Variants in PGS1 observed in about 807,000 individuals in gnomAD.
The protein encoded by PGS1 is phosphatidylglycerophosphate synthase 1.
Under a neutral mutation model 58.3 loss-of-function variants are expected in PGS1, and 44 were observed. That is an observed-to-expected ratio of 0.75 (90% CI 0.59 to 0.97). The LOEUF (loss-of-function observed/expected upper bound fraction) is 0.97, where lower values mean the gene tolerates loss of function less well. Among genes scored for constraint, PGS1 ranks in the 50% least tolerant of loss-of-function variants. The pLI, the probability that PGS1 is intolerant of heterozygous loss-of-function variation, is 0.00. For synonymous variants in PGS1, 330 were observed against 311.0 expected, an observed-to-expected ratio of 1.06 and a Z score of -0.64; for missense variants, 684 against 731.1, an observed-to-expected ratio of 0.94 and a Z score of 0.74.
At chr17:78,405,653 C>A (rs549883808) in intron 7 of PGS1, among the ~76,000 whole-genome samples, 13 of 152,318 alleles carry the variant, frequency 8.5e-5, no homozygotes, top group Admixed American at 7.2e-4. Context: ...TGGGAGGGTG[C>A]CCGCCTCTAG....
chr17:78,394,542 TTTTTCTTTTC>T (rs893814513), intron 2 of PGS1, among the ~76,000 whole-genome samples: 6 of 151,942 alleles, frequency 3.9e-5, no homozygotes, highest in African/African-American at 9.7e-5. Context: ...AAGAAACAGG[TTTTTCTTTTC>T]TTTTCTTTTC....
chr17:78,411,902 CTTTTTTTTTT>C (rs35472026), intron 7 of PGS1, among the ~76,000 whole-genome samples: 767 of 58,020 alleles, frequency 0.013, 14 homozygotes, highest in Middle Eastern at 0.033. Flanking sequence ...AGGGCTCCTG[CTTTTTTTTTT>C]TTTTTTTTTT....
intron 7 of PGS1, among the ~76,000 whole-genome samples, chr17:78,408,891 G>A (rs557558053): frequency 5.2e-4 from 79 of 152,312 alleles, no homozygotes; most frequent in Non-Finnish European, 8.1e-4. Context: ...GAAGTGCCTC[G>A]TGCTGCCGCA....
At chr17:78,423,442 T>G (rs539967851) in intron 9 of PGS1, among the ~76,000 whole-genome samples, 231 of 152,306 alleles carry the variant, frequency 1.5e-3, no homozygotes, top group African/African-American at 5.4e-3. Context: ...CGGCAGCTCC[T>G]GGTATGGGGT....
In PGS1 at chr17:78,400,599, C is replaced by T; in HGVS notation, c.702-78C>T. On this transcript the variant is annotated intron_variant, in intron 5 of 9. Transcript: ENST00000262764. This position sits in a 1 kb window ranked among gnomAD's most constrained non-coding sequence, Gnocchi z 4.4. ...GTTTGTCACCCCCCTGCTAGTTCAC[C>T]TGAGACCTGGGTCACCAGGACACGC... The T allele has an allele frequency of 7.7e-7, 1 of 1,291,882 alleles. No homozygotes were observed. The highest frequency in any genetic ancestry group is 1.1e-6 in the Non-Finnish European group (1 of 899,432). The allele number at this position is 1,291,882 out of a possible 1,614,324, so 80.0% of individuals were successfully genotyped here.
intron 7 of PGS1, among the ~76,000 whole-genome samples, chr17:78,406,578 G>A (rs1388319675): frequency 6.6e-6 from 1 of 152,258 alleles, no homozygotes; most frequent in Non-Finnish European, 1.5e-5. Context: ...TGTCCTGCAG[G>A]ACCCATCCTG....
At chr17:78,412,664 G>C (rs1046180929) in intron 7 of PGS1, among the ~76,000 whole-genome samples, 1 of 152,208 alleles carries the variant, frequency 6.6e-6, no homozygotes, top group Admixed American at 6.5e-5. Flanking sequence ...GGAGCTGTGG[G>C]GTGGACACCG....
chr17:78,401,046 C>T (rs1363287792), intron 6 of PGS1, among the ~76,000 whole-genome samples, 191 bp downstream of exon 6: 1 of 152,116 alleles, frequency 6.6e-6, no homozygotes, highest in Non-Finnish European at 1.5e-5. Flanking sequence ...GTGAGAGAGC[C>T]AGCCCAGAAA....
intron 1 of PGS1, among the ~76,000 whole-genome samples, chr17:78,380,499 C>T (rs1026326481): frequency 6.6e-6 from 1 of 152,224 alleles, no homozygotes; most frequent in African/African-American, 2.4e-5. Flanking sequence ...CGTTGGTGAA[C>T]CCAGCAGGAC....
At position 78,399,414 on chromosome 17, in the gene PGS1, C is replaced by T; in HGVS notation, c.578C>T (p.Ser193Phe). The stretch of plus-strand genomic sequence containing the variant: ...AGGTTCCCAGAGCAGGTCCGAGTCT[C>T]CCTCTTTCACACGCCGCACCTCCGT... ...LRRFPEQVRV[S>F]LFHTPHLRGL... is the part of the protein sequence containing the mutation. Residue 193 changes from serine to phenylalanine, a missense_variant, in exon 5 of 10, where the codon TCC (serine) becomes TTC (phenylalanine). Ser to Phe is a radical substitution (Grantham distance 155). Coordinates refer to ENST00000262764, the MANE Select transcript of PGS1 (RefSeq NM_024419.5). 1 of 1,614,130 alleles carries T rather than the reference C, an allele frequency of 6.2e-7. No homozygotes were observed. The highest frequency in any genetic ancestry group is 8.5e-7 in the Non-Finnish European group (1 of 1,180,024).
intron 8 of PGS1, among the ~76,000 whole-genome samples, chr17:78,418,874 A>T (rs1039644463): frequency 6.6e-6 from 1 of 152,172 alleles, no homozygotes; most frequent in African/African-American, 2.4e-5. Context: ...TGTCTCATTT[A>T]AAAAATACCT....
chr17:78,404,063 G>GGA lies in PGS1; in HGVS notation c.1378_1379dup (p.Trp462AlafsTer23), dbSNP rs1567977283. ...CGGGTCCAGCTTCAGGAGTACTGGC[G>GGA]GAGGGGCTGGACGTTCCACGCCAAA... On this transcript the variant is annotated frameshift_variant, in exon 7 of 10. Transcript: ENST00000262764. LOFTEE classifies it high-confidence loss of function. 1.3e-6 allele frequency: 2 copies of GGA among 1,594,112 alleles called. No individual in the cohort carries two copies. Among genetic ancestry groups the GGA allele is most frequent in the Non-Finnish European group, 1.7e-6 (2 of 1,169,438 alleles).
intron 1 of PGS1, among the ~76,000 whole-genome samples, chr17:78,388,878 G>A (rs1343852963): frequency 1.3e-5 from 2 of 151,906 alleles, no homozygotes; most frequent in Non-Finnish European, 2.9e-5. Context: ...TGTCAGGTGT[G>A]TAAGTCTGTG....
intron 8 of PGS1, among the ~76,000 whole-genome samples, chr17:78,417,596 G>T (rs1231091467): frequency 6.6e-6 from 1 of 152,148 alleles, no homozygotes; most frequent in African/African-American, 2.4e-5. Flanking sequence ...GGAGTTGCCA[G>T]GGCTGTGTCC....
At chr17:78,378,980 G>T (rs971203334) in intron 1 of PGS1, among the ~76,000 whole-genome samples, 172 bp downstream of exon 1, 1 of 152,200 alleles carries the variant, frequency 6.6e-6, no homozygotes, top group Non-Finnish European at 1.5e-5. Flanking sequence ...TTCTTCACTG[G>T]CCTTCTTGAG....
rs1372657730 is a variant in PGS1, at chr17:78,419,657, T to A, written c.1663T>A (p.Phe555Ile). 4 of 1,613,964 alleles carry A rather than the reference T, an allele frequency of 2.5e-6. No homozygotes were observed. Among genetic ancestry groups the A allele is most frequent in the East Asian group, 2.2e-5 (1 of 44,874 alleles). Residue 555 changes from phenylalanine (F) to isoleucine (I), a missense_variant, in exon 9 of 10, where the codon TTC (phenylalanine) becomes ATC (isoleucine). Phe to Ile is a conservative substitution (Grantham distance 21). Transcript: ENST00000262764. The part of the protein sequence containing the change: ...VKMVTPLIKN[F>I]F Reference sequence around the variant, plus strand: ...GATGGTGACTCCACTGATCAAGAACTTCTTCTGAGGACAGACAGGTGCTGT... The same window carrying A: ...GATGGTGACTCCACTGATCAAGAACATCTTCTGAGGACAGACAGGTGCTGT...
At chr17:78,421,336 G>A (rs976875679) in intron 9 of PGS1, 2 of 152,278 alleles carry the variant, frequency 1.3e-5, no homozygotes, top group Admixed American at 1.3e-4. Context: ...ATTAGATTTA[G>A]TCCCTGCACT....
intron 1 of PGS1, among the ~76,000 whole-genome samples, chr17:78,379,946 A>T (rs1257051008): frequency 1.3e-5 from 2 of 148,572 alleles, no homozygotes; most frequent in African/African-American, 5.0e-5. Flanking sequence ...GGCTCACCTC[A>T]ATCTCCACCT....
At chr17:78,399,748 C>T (rs2083508677) in intron 5 of PGS1, among the ~76,000 whole-genome samples, 1 of 152,230 alleles carries the variant, frequency 6.6e-6, no homozygotes, top group African/African-American at 2.4e-5. Context: ...GTTGACAGGG[C>T]ACTTAGTCTG....
Sources: allele counts gnomAD v4.1 joint callset (sites outside exome capture counted in the v4.1 genomes callset), GRCh38; gene constraint gnomAD v4.1.1; non-coding constraint Gnocchi (gnomAD v3.1); transcripts MANE v1.5; gene names NCBI Gene and HGNC (gene_info 2026-07-23, HGNC 2026-07-21).